Variants in ATP13A3 observed in about 807,000 individuals in gnomAD.
The protein encoded by ATP13A3 is polyamine-transporting ATPase 13A3.
ATP13A3 carries 59 observed loss-of-function variants against 158.1 expected under a neutral mutation model. The ratio of observed to expected loss-of-function variants is 0.37; its 90% confidence interval spans 0.30 to 0.46. ATP13A3 has a LOEUF of 0.46. Ranked by LOEUF, ATP13A3 falls within the 20% of genes least tolerant of loss-of-function variation. The pLI is 1.00. For synonymous variants in ATP13A3, 491 were observed against 504.3 expected (o/e 0.97, Z 0.35); for missense variants, 1,166 against 1,525.2 (o/e 0.76, Z 3.92).
chr3:194,491,494 C>T (rs143650454), upstream of ATP13A3, among the ~76,000 whole-genome samples: 24 of 139,050 alleles, frequency 1.7e-4, no homozygotes, highest in African/African-American at 5.9e-4. Flanking sequence ...TCTCTCACCT[C>T]GCACGCCCCC....
In ATP13A3 at chr3:194,431,789, T is replaced by C; in HGVS notation, c.2349A>G (p.Lys783=). 1 of 1,613,156 alleles carries C rather than the reference T, an allele frequency of 6.2e-7. No individual in the cohort carries two copies. The highest frequency in any genetic ancestry group is 8.5e-7 in the Non-Finnish European group (1 of 1,179,628). The change falls in exon 22 of 34, where the codon AAA becomes AAG. Residue 783 remains lysine, a synonymous_variant. Transcript: ENST00000645319. The part of the protein sequence containing the change: ...IAEALPPKDG[K]VAKINWHYAD... The stretch of plus-strand genomic sequence containing the variant: ...CATAATGCCAATTTATTTTGGCAAC[T>C]TTCCCATCCTTTGGAGGTAATGCTT...
At chr3:194,439,484 C>T (rs1717891494) in intron 16 of ATP13A3, among the ~76,000 whole-genome samples, 1 of 152,124 alleles carries the variant, frequency 6.6e-6, no homozygotes, top group Non-Finnish European at 1.5e-5. Context: ...TAAGCTAATA[C>T]TTTAAAGAAC....
Position 194,448,056 on chromosome 3 carries a change from G to T in ATP13A3, c.1151-47C>A. 2 of 1,469,374 alleles carry T rather than the reference G, an allele frequency of 1.4e-6. No homozygotes were observed. Among genetic ancestry groups the T allele is most frequent in the Non-Finnish European group, 9.4e-7 (1 of 1,068,092 alleles). 91.0% of individuals were successfully genotyped at this position (1,469,374 alleles called of 1,614,324 possible). ...TATTGATATTTTTATAAGAAAATGA[G>T]AATTATCTCCCAAAACAGAATCTCT... is the stretch of plus-strand genomic sequence containing the variant. On this transcript the variant is annotated intron_variant, in intron 12 of 33. Coordinates refer to ENST00000645319, the MANE Select transcript of ATP13A3 (RefSeq NM_001367549.1). This position sits in a 1 kb window ranked among gnomAD's most constrained non-coding sequence, Gnocchi z 4.0.
chr3:194,425,427 C>G lies in ATP13A3; in HGVS notation c.3228G>C (p.Val1076=). The G allele has an allele frequency of 6.2e-7, 1 of 1,613,290 alleles. No homozygotes were observed. Among genetic ancestry groups the G allele is most frequent in the Non-Finnish European group, 8.5e-7 (1 of 1,179,274 alleles). The change falls in exon 30 of 34, where the codon GTG becomes GTC. Residue 1076 remains valine (V), a synonymous_variant. Coordinates refer to ENST00000645319, the MANE Select transcript of ATP13A3 (RefSeq NM_001367549.1). ...HNIQNYENTT[V]FFISSFQYLI... is the part of the protein sequence containing the mutation. Reference sequence around the variant, plus strand: ...GGTACTGAAAACTGGAAATAAAAAACACTGTGGTATTTTCATAATTTTGTA... The same window carrying G: ...GGTACTGAAAACTGGAAATAAAAAAGACTGTGGTATTTTCATAATTTTGTA...
rs1719577747 is a variant in ATP13A3, at chr3:194,460,568, T to C, written c.225+90A>G. 3.8e-6 allele frequency: 5 copies of C among 1,330,260 alleles called. No homozygotes were observed. In the South Asian group the frequency reaches 7.5e-5, roughly 20 times the overall value. 82.4% of individuals were successfully genotyped at this position (1,330,260 alleles called of 1,614,324 possible). A position where few individuals can be genotyped will look rare whatever the true frequency, so the allele number is the denominator to read the frequency against. On this transcript the variant is annotated intron_variant, in intron 4 of 33. Coordinates refer to ENST00000645319, the MANE Select transcript of ATP13A3 (RefSeq NM_001367549.1). ...TCCTCATTTTATCCAGGCAGCGATG[T>C]TCCCTTCATCTATTATTTCGAATAA... is the stretch of plus-strand genomic sequence containing the variant.
intron 26 of ATP13A3, 121 bp downstream of exon 26, chr3:194,429,951 C>T (rs1717096698): frequency 9.8e-7 from 1 of 1,023,032 alleles, no homozygotes; most frequent in Non-Finnish European, 1.4e-6. Flanking sequence ...TAATAAGTTA[C>T]AGCTCAAATG....
At position 194,452,146 on chromosome 3, in the gene ATP13A3, G is replaced by C. The variant is rs12629455; in HGVS notation, c.838+1560C>G. The C allele has an allele frequency of 2.6e-5, 4 of 152,214 alleles. No individual in the cohort carries two copies. In the South Asian group the frequency reaches 8.3e-4, roughly 32 times the overall value. The allele number at this position is 152,214 out of a possible 1,614,324, so 9.4% of individuals were successfully genotyped here. A position where few individuals can be genotyped will look rare whatever the true frequency, so the allele number is the denominator to read the frequency against. The stretch of plus-strand genomic sequence containing the variant: ...AAGGCGGGCAGATCACTTGAGGCCA[G>C]GAGTACCAAACCAGCCTGGCCAACA... On this transcript the variant is annotated intron_variant, in intron 10 of 33. Coordinates refer to ENST00000645319, the MANE Select transcript of ATP13A3 (RefSeq NM_001367549.1).
At chr3:194,458,331 G>A (rs1042495467) in intron 6 of ATP13A3, among the ~76,000 whole-genome samples, 1 of 149,992 alleles carries the variant, frequency 6.7e-6, no homozygotes, top group African/African-American at 2.5e-5. Context: ...GCAGGGGCCA[G>A]TGCCAAGTCA....
At position 194,403,925 on chromosome 3, in the gene ATP13A3, G is replaced by A. The variant is rs979225444; in HGVS notation, c.*1994C>T. ...TCTAAATGTTAAAAAAGTGGGGGGG[G>A]GGTGTCAAAAATAGCTCTTTATGAT... is the stretch of plus-strand genomic sequence containing the variant. On this transcript the variant is annotated 3_prime_UTR_variant, in exon 34 of 34. Coordinates refer to ENST00000645319, the MANE Select transcript of ATP13A3 (RefSeq NM_001367549.1). 1 of 317,704 alleles carries A rather than the reference G, an allele frequency of 3.1e-6. No homozygotes were observed. The highest frequency in any genetic ancestry group is 2.3e-5 in the African/African-American group (1 of 44,370). The allele number at this position is 317,704 out of a possible 1,614,324, so 19.7% of individuals were successfully genotyped here.
intron 21 of ATP13A3, among the ~76,000 whole-genome samples, chr3:194,432,273 A>C (rs1319457398): frequency 6.6e-6 from 1 of 152,262 alleles, no homozygotes; most frequent in Non-Finnish European, 1.5e-5. Context: ...CTGTGCAAGA[A>C]CACCAGCACC....
chr3:194,471,730 C>T (rs975916315), intron 2 of ATP13A3, among the ~76,000 whole-genome samples: 5 of 152,192 alleles, frequency 3.3e-5, no homozygotes, highest in African/African-American at 1.2e-4. Flanking sequence ...TACATTACAA[C>T]AGTAGGATTT....
chr3:194,413,634 G>T, intron 32 of ATP13A3, 125 bp downstream of exon 32: 2 of 846,080 alleles, frequency 2.4e-6, no homozygotes, highest in African/African-American at 1.7e-5. Flanking sequence ...AAATGAATTT[G>T]CCTGAGATGA....
Position 194,454,730 on chromosome 3 carries a change from G to A in ATP13A3, c.631-338C>T, listed in dbSNP as rs143176106. 1.7e-3 allele frequency among the ~76,000 whole-genome samples: 251 copies of A among 151,604 alleles called. 1 individual carries two copies. Among genetic ancestry groups the A allele is most frequent in the African/African-American group, 5.5e-3 (227 of 41,308 alleles). The stretch of plus-strand genomic sequence containing the variant: ...TGTAGTCCCAGCTACTCAGGAGGCC[G>A]AAGCAGGAGAATGGCTTGAACCCGG... On this transcript the variant is annotated intron_variant, in intron 8 of 33. Coordinates refer to ENST00000645319, the MANE Select transcript of ATP13A3 (RefSeq NM_001367549.1).
intron 2 of ATP13A3, among the ~76,000 whole-genome samples, chr3:194,480,517 A>AAAAAC (rs1187625798): frequency 6.6e-6 from 1 of 152,222 alleles, no homozygotes; most frequent in Non-Finnish European, 1.5e-5. Context: ...TATTCTTTAA[A>AAAAAC]AAAACAAAAC....
intron 7 of ATP13A3, among the ~76,000 whole-genome samples, chr3:194,456,222 C>G (rs993077095): frequency 6.6e-6 from 1 of 151,966 alleles, no homozygotes; most frequent in Non-Finnish European, 1.5e-5. Flanking sequence ...GTCTATAATA[C>G]CATGTGAGCA....
intron 20 of ATP13A3, 49 bp from the exon 21 acceptor site, chr3:194,433,945 G>C: frequency 1.3e-6 from 2 of 1,560,986 alleles, no homozygotes; most frequent in Admixed American, 1.8e-5. Flanking sequence ...AATTGAGTAA[G>C]CAACTTATGT....
At chr3:194,440,718 C>T (rs559652470) in intron 16 of ATP13A3, among the ~76,000 whole-genome samples, 1 of 152,204 alleles carries the variant, frequency 6.6e-6, no homozygotes, top group Admixed American at 6.5e-5. Context: ...GAGACCATAA[C>T]CTCAAAGAAA....
intron 31 of ATP13A3, among the ~76,000 whole-genome samples, chr3:194,414,068 G>T (rs1326656534): frequency 6.6e-6 from 1 of 152,040 alleles, no homozygotes; most frequent in Non-Finnish European, 1.5e-5. Flanking sequence ...AGTGACTGAG[G>T]TTAGAGTCAA....
At chr3:194,479,992 C>T (rs568268667) in intron 2 of ATP13A3, among the ~76,000 whole-genome samples, 42 of 152,212 alleles carry the variant, frequency 2.8e-4, no homozygotes, top group Non-Finnish European at 4.9e-4. Flanking sequence ...TTGTTTTGGA[C>T]ATAAAAAGCC....
Sources: gnomAD v4.1 joint callset for allele counts (sites outside exome capture counted in the v4.1 genomes callset) on GRCh38, gnomAD v4.1.1 for gene constraint, Gnocchi (gnomAD v3.1) non-coding constraint, MANE v1.5 for transcripts, NCBI Gene and HGNC (gene_info 2026-07-23, HGNC 2026-07-21) for gene names.